The following PTGFRN variants were observed in gnomAD, a reference collection of about 807,000 sequenced individuals.
PTGFRN encodes the protein prostaglandin F2 receptor inhibitor.
A neutral mutation model predicts 83.2 loss-of-function variants in PTGFRN; 35 were observed. The ratio of observed to expected loss-of-function variants is 0.42; its 90% CI spans 0.32 to 0.56. PTGFRN has a LOEUF of 0.56. Among genes scored for constraint, PTGFRN ranks in the 20% least tolerant of loss-of-function variants. The pLI, the probability that PTGFRN is intolerant of heterozygous loss-of-function variation, is 0.11. For missense variants in PTGFRN, 1,051 were observed against 1,179.5 expected (o/e 0.89, Z 1.60); for synonymous variants, 519 against 498.6 (o/e 1.04, Z -0.55).
chr1:116,928,575 G>C (rs1649713912), intron 1 of PTGFRN, among the ~76,000 whole-genome samples: 1 of 152,134 alleles, frequency 6.6e-6, no homozygotes, highest in African/African-American at 2.4e-5. Context: ...ATCTTGCTGG[G>C]GAAAATCTCA....
At chr1:116,946,214 A>G (rs564739393) in intron 3 of PTGFRN, among the ~76,000 whole-genome samples, 5 of 152,328 alleles carry the variant, frequency 3.3e-5, no homozygotes, top group East Asian at 1.9e-4. Context: ...CGCAGGGGGA[A>G]TATTTTGTCT....
At position 116,918,382 on chromosome 1, in the gene PTGFRN, TAGAAGAATGCAAAC is replaced by T. The variant is rs1486203675; in HGVS notation, c.49+8132_49+8145del. The stretch of plus-strand genomic sequence containing the variant: ...CCATGAAGATTAAAAACAATATATT[TAGAAGAATGCAAAC>T]ATTAGTGTATGTAAGTTCCTAGAAC... On this transcript the variant is annotated intron_variant, in intron 1 of 8. Transcript: ENST00000393203. This position sits in a 1 kb window ranked among gnomAD's most constrained non-coding sequence, Gnocchi z 4.1. 6.6e-6 allele frequency among the ~76,000 whole-genome samples: 1 copy of T among 152,196 alleles called. No homozygotes were observed. Among genetic ancestry groups the T allele is most frequent in the Non-Finnish European group, 1.5e-5 (1 of 68,032 alleles).
intron 7 of PTGFRN, among the ~76,000 whole-genome samples, chr1:116,981,318 C>G (rs538391412): frequency 6.6e-6 from 1 of 152,280 alleles, no homozygotes; most frequent in South Asian, 2.1e-4. Flanking sequence ...CCTCGACACT[C>G]TGTAGTACCC....
rs1297804505 is a variant in PTGFRN at position 116,984,858 on chromosome 1, C to T, written c.2346C>T (p.Gly782=). Residue 782 remains glycine, a synonymous_variant, in exon 8 of 9, where the codon GGC becomes GGT. Coordinates refer to ENST00000393203, the MANE Select transcript of PTGFRN (RefSeq NM_020440.4). ...TGGAATTCTTGCTGCAAGTGCATGG[C>T]TCCGAGGACCAGGACTTTGGCAACT... ...SVLEFLLQVH[G]SEDQDFGNYY... 1.2e-6 allele frequency: 2 copies of T among 1,614,178 alleles called. No individual in the cohort carries two copies. Among genetic ancestry groups the T allele is most frequent in the South Asian group, 2.2e-5 (2 of 91,078 alleles).
intron 4 of PTGFRN, among the ~76,000 whole-genome samples, chr1:116,960,448 T>G: frequency 6.7e-6 from 1 of 150,364 alleles, no homozygotes; most frequent in African/African-American, 2.5e-5. Flanking sequence ...GAAGGAGGGG[T>G]TTTTCTCCCA....
chr1:116,910,174 G>C lies in PTGFRN; in HGVS notation c.-30G>C. The stretch of plus-strand genomic sequence containing the variant: ...AGGAGAGGCGGCGGGGAAGGAGGAG[G>C]AGGGGGAGAGTCGCTCCCGCCGGGC... On this transcript the variant is annotated 5_prime_UTR_variant, in exon 1 of 9. Coordinates refer to ENST00000393203, the MANE Select transcript of PTGFRN (RefSeq NM_020440.4). 6.6e-7 allele frequency: 1 copy of C among 1,509,582 alleles called. No individual in the cohort carries two copies. The highest frequency in any genetic ancestry group is 8.8e-7 in the Non-Finnish European group (1 of 1,135,258). 93.5% of individuals were successfully genotyped at this position (1,509,582 alleles called of 1,614,324 possible).
chr1:116,980,703 C>T (rs1324991372), intron 7 of PTGFRN, among the ~76,000 whole-genome samples: 3 of 151,928 alleles, frequency 2.0e-5, no homozygotes, highest in Admixed American at 2.0e-4. Context: ...CAGGGCCTGT[C>T]GTGGGGTCGG....
intron 6 of PTGFRN, among the ~76,000 whole-genome samples, chr1:116,972,263 T>A (rs2101083764): frequency 6.6e-6 from 1 of 152,292 alleles, no homozygotes; most frequent in East Asian, 1.9e-4. Flanking sequence ...CCTTTCCCCA[T>A]TTCCTGGAAC....
At chr1:116,968,122 A>C (rs1035292041) in intron 6 of PTGFRN, among the ~76,000 whole-genome samples, 2 of 152,300 alleles carry the variant, frequency 1.3e-5, no homozygotes, top group Admixed American at 6.5e-5. Context: ...AAAGTATTTA[A>C]ACCCCAATCT....
intron 4 of PTGFRN, among the ~76,000 whole-genome samples, chr1:116,956,190 G>C (rs1650483393): frequency 6.6e-6 from 1 of 152,202 alleles, no homozygotes; most frequent in Admixed American, 6.5e-5. Flanking sequence ...CTACAAGGCT[G>C]GTGGATAGCT....
At chr1:116,972,525 T>G (rs1238842825) in intron 6 of PTGFRN, among the ~76,000 whole-genome samples, 2 of 152,242 alleles carry the variant, frequency 1.3e-5, no homozygotes, top group African/African-American at 4.8e-5. Context: ...ATCATGTTAC[T>G]CCCTCTGTCA....
chr1:116,956,086 C>T (rs566434881), intron 4 of PTGFRN, among the ~76,000 whole-genome samples: 1 of 152,258 alleles, frequency 6.6e-6, no homozygotes, highest in East Asian at 1.9e-4. Flanking sequence ...TGTCCATGCA[C>T]CAAAACAAAA....
chr1:116,920,328 A>T lies in PTGFRN; in HGVS notation c.49+10076A>T, dbSNP rs1022546919. 5.3e-5 allele frequency among the ~76,000 whole-genome samples: 8 copies of T among 152,316 alleles called. 2 individuals carry two copies. Among genetic ancestry groups the T allele is most frequent in the Admixed American group, 5.2e-4 (8 of 15,302 alleles). ...ACAGAAACAGTAAAACTAATAAGCCATTTCTAGATGACAGACTGTTTCGTA... is the reference window on the plus strand; with the variant it reads ...ACAGAAACAGTAAAACTAATAAGCCTTTTCTAGATGACAGACTGTTTCGTA... On this transcript the variant is annotated intron_variant, in intron 1 of 8. Coordinates refer to ENST00000393203, the MANE Select transcript of PTGFRN (RefSeq NM_020440.4).
At position 116,949,470 on chromosome 1, in the gene PTGFRN, T is replaced by C; in HGVS notation, c.1111T>C (p.Tyr371His). Residue 371 changes from tyrosine (Y) to histidine (H), a missense_variant, in exon 4 of 9, where the codon TAT (tyrosine) becomes CAT (histidine). Coordinates refer to ENST00000393203, the MANE Select transcript of PTGFRN (RefSeq NM_020440.4). Reference sequence around the variant, plus strand: ...TGTTAGCAAAGAAAACTCTGGCTACTATTACTGCCACGTGTCCCTGTGGGC... The same window carrying C: ...TGTTAGCAAAGAAAACTCTGGCTACCATTACTGCCACGTGTCCCTGTGGGC... ...RDVSKENSGY[Y>H]YCHVSLWAPG... 6.2e-7 allele frequency: 1 copy of C among 1,614,264 alleles called. No individual in the cohort carries two copies. The highest frequency in any genetic ancestry group is 8.5e-7 in the Non-Finnish European group (1 of 1,180,046).
At chr1:116,916,585 G>A (rs1182670892) in intron 1 of PTGFRN, among the ~76,000 whole-genome samples, 1 of 152,196 alleles carries the variant, frequency 6.6e-6, no homozygotes, top group Non-Finnish European at 1.5e-5. Context: ...CAGGGCAGGA[G>A]CTGCCTCTAA....
At chr1:116,954,160 T>C (rs1220747513) in intron 4 of PTGFRN, among the ~76,000 whole-genome samples, 1 of 152,090 alleles carries the variant, frequency 6.6e-6, no homozygotes, top group African/African-American at 2.4e-5. Context: ...GCCTGGCCCT[T>C]CATGAGTATT....
At chr1:116,937,535 G>A (rs1557962160) in intron 1 of PTGFRN, among the ~76,000 whole-genome samples, 3 of 152,212 alleles carry the variant, frequency 2.0e-5, no homozygotes, top group African/African-American at 7.2e-5. Flanking sequence ...GACTTGATCA[G>A]TGAAGGGACA....
In PTGFRN at chr1:116,941,679, G is replaced by T; in HGVS notation, c.50-36G>T. ...CATTTGTCCTGGGAAGACTTTCTGTGATTAAAGACCTGCCTTTCATCTTTT... is the reference window on the plus strand; with the variant it reads ...CATTTGTCCTGGGAAGACTTTCTGTTATTAAAGACCTGCCTTTCATCTTTT... On this transcript the variant is annotated intron_variant, in intron 1 of 8. Coordinates refer to ENST00000393203, the MANE Select transcript of PTGFRN (RefSeq NM_020440.4). The surrounding 1 kb of genome is among the most constrained non-coding windows in gnomAD (Gnocchi z 5.0). The T allele has an allele frequency of 6.4e-7, 1 of 1,570,424 alleles. No individual in the cohort carries two copies. The highest frequency in any genetic ancestry group is 1.2e-5 in the South Asian group (1 of 83,618).
chr1:116,914,260 G>C (rs1233518081), intron 1 of PTGFRN, among the ~76,000 whole-genome samples: 1 of 152,166 alleles, frequency 6.6e-6, no homozygotes. Context: ...AGAATATTTG[G>C]AGTCTTTGTG....
Sources: gnomAD v4.1 joint callset for allele counts (sites outside exome capture counted in the v4.1 genomes callset) on GRCh38, gnomAD v4.1.1 for gene constraint, Gnocchi (gnomAD v3.1) non-coding constraint, MANE v1.5 for transcripts, NCBI Gene and HGNC (gene_info 2026-07-23, HGNC 2026-07-21) for gene names.